MAN1C1: variants seen among roughly 807,000 people sequenced by gnomAD.
MAN1C1 encodes mannosidase alpha class 1C member 1.
A neutral mutation model predicts 71.5 loss-of-function variants in MAN1C1; 49 were observed. That is an observed-to-expected ratio of 0.69 (90% CI 0.54 to 0.87). The LOEUF (loss-of-function observed/expected upper bound fraction) is 0.87, where lower values mean the gene tolerates loss of function less well. Among genes scored for constraint, MAN1C1 ranks in the 40% least tolerant of loss-of-function variants. MAN1C1 has a pLI of 0.00. For missense variants in MAN1C1, 743 were observed against 835.0 expected (o/e 0.89, Z 1.36); for synonymous variants, 352 against 343.7 (o/e 1.02, Z -0.27).
At chr1:25,686,984 C>T (rs942346890) in intron 2 of MAN1C1, among the ~76,000 whole-genome samples, 8 of 152,018 alleles carry the variant, frequency 5.3e-5, no homozygotes, top group Non-Finnish European at 1.2e-4. Flanking sequence ...TATTTAGAGT[C>T]GGGGCTGGGG....
chr1:25,686,475 T>C lies in MAN1C1; in HGVS notation c.576T>C (p.Tyr192=), dbSNP rs2046232683. 2.5e-6 allele frequency: 4 copies of C among 1,614,098 alleles called. No individual in the cohort carries two copies. Among genetic ancestry groups the C allele is most frequent in the African/African-American group, 1.3e-5 (1 of 74,926 alleles). Residue 192 remains tyrosine (Y), a synonymous_variant, in exon 2 of 12, where the codon TAT becomes TAC. Coordinates refer to ENST00000374332, the MANE Select transcript of MAN1C1 (RefSeq NM_020379.4). ...TTGCTTGGCAGAGCTATAAGCGTTA[T>C]GCAATGGGGAAAAACGAACTCCGTC... ...MQFAWQSYKR[Y]AMGKNELRPL...
At chr1:25,623,406 A>G (rs1399837810) in intron 1 of MAN1C1, among the ~76,000 whole-genome samples, 3 of 151,820 alleles carry the variant, frequency 2.0e-5, no homozygotes, top group Admixed American at 2.0e-4. Context: ...AAATAGAAGG[A>G]TGATTTTTAA....
chr1:25,621,473 G>A (rs2045207438), intron 1 of MAN1C1, among the ~76,000 whole-genome samples: 1 of 152,066 alleles, frequency 6.6e-6, no homozygotes, highest in African/African-American at 2.4e-5. Flanking sequence ...ATTCATAGGC[G>A]GGTTTCTTAT....
At chr1:25,628,021 T>C (rs1348851926) in intron 1 of MAN1C1, among the ~76,000 whole-genome samples, 1 of 152,154 alleles carries the variant, frequency 6.6e-6, no homozygotes, top group Admixed American at 6.5e-5. Flanking sequence ...TACTCCAGCC[T>C]GGGTGACAGA....
chr1:25,636,447 A>G (rs2045461897), intron 1 of MAN1C1, among the ~76,000 whole-genome samples: 1 of 152,202 alleles, frequency 6.6e-6, no homozygotes, highest in Admixed American at 6.5e-5. Flanking sequence ...CCTTGCTAGG[A>G]AAAGAATTTA....
intron 2 of MAN1C1, among the ~76,000 whole-genome samples, chr1:25,710,363 T>C (rs1411770884): frequency 6.6e-6 from 1 of 152,188 alleles, no homozygotes; most frequent in Non-Finnish European, 1.5e-5. Context: ...ATTCAGTAAA[T>C]GTTCACTGTG....
chr1:25,664,324 G>A (rs1265183205), intron 1 of MAN1C1, among the ~76,000 whole-genome samples: 1 of 151,340 alleles, frequency 6.6e-6, no homozygotes, highest in Non-Finnish European at 1.5e-5. Context: ...CTGATTTTTA[G>A]ACACCACAAT....
chr1:25,651,955 G>A (rs780181638), intron 1 of MAN1C1, among the ~76,000 whole-genome samples: 2 of 152,172 alleles, frequency 1.3e-5, no homozygotes, highest in African/African-American at 2.4e-5. Flanking sequence ...CCTGCTGCCT[G>A]CCTGCCTGCC....
chr1:25,707,966 T>C (rs1390922319), intron 2 of MAN1C1, among the ~76,000 whole-genome samples: 1 of 152,168 alleles, frequency 6.6e-6, no homozygotes, highest in Non-Finnish European at 1.5e-5. Context: ...ATGAACTGGC[T>C]GTAGGAGAGC....
intron 1 of MAN1C1, among the ~76,000 whole-genome samples, chr1:25,625,703 C>T (rs148112515): frequency 6.6e-6 from 1 of 152,010 alleles, no homozygotes; most frequent in Non-Finnish European, 1.5e-5. Context: ...CACCTGTGTT[C>T]CCAGCTACTC....
At chr1:25,635,994 C>T (rs1394660986) in intron 1 of MAN1C1, among the ~76,000 whole-genome samples, 7 of 152,072 alleles carry the variant, frequency 4.6e-5, no homozygotes, top group African/African-American at 7.2e-5. Flanking sequence ...TCGGTAGGAC[C>T]GTGATGCCCA....
chr1:25,671,466 C>A (rs1237058131), intron 1 of MAN1C1, among the ~76,000 whole-genome samples: 1 of 152,094 alleles, frequency 6.6e-6, no homozygotes, highest in Non-Finnish European at 1.5e-5. Context: ...CATTCAAGGG[C>A]AAAGGAGACA....
At chr1:25,688,493 C>T (rs1359443695) in intron 2 of MAN1C1, among the ~76,000 whole-genome samples, 1 of 152,210 alleles carries the variant, frequency 6.6e-6, no homozygotes, top group Non-Finnish European at 1.5e-5. Context: ...AGCATGGGCG[C>T]AGCTATTGCT....
chr1:25,759,585 G>C (rs777682302), intron 6 of MAN1C1: 1 of 152,154 alleles, frequency 6.6e-6, no homozygotes, highest in Non-Finnish European at 1.5e-5. Flanking sequence ...CAGGCAACTG[G>C]GAGATGATAG....
chr1:25,714,586 T>TA (rs11297296), intron 2 of MAN1C1, among the ~76,000 whole-genome samples: 75 of 151,318 alleles, frequency 5.0e-4, no homozygotes, highest in Non-Finnish European at 8.4e-4. Context: ...AGAAAGCAGA[T>TA]AAAAAAAAAT....
intron 2 of MAN1C1, among the ~76,000 whole-genome samples, chr1:25,713,129 C>T (rs1399204616): frequency 6.6e-6 from 1 of 152,068 alleles, no homozygotes; most frequent in Non-Finnish European, 1.5e-5. Context: ...GATGGGGAAA[C>T]TGAGGTCATT....
chr1:25,686,322 A>G (rs2046230072), intron 1 of MAN1C1, 118 bp from the exon 2 acceptor site: 1 of 817,960 alleles, frequency 1.2e-6, no homozygotes, highest in African/African-American at 1.7e-5. Context: ...CAATTTGGAA[A>G]ATTTGGAAGG....
intron 6 of MAN1C1, among the ~76,000 whole-genome samples, chr1:25,763,198 G>A (rs1260531703): frequency 6.6e-6 from 1 of 152,156 alleles, no homozygotes. Flanking sequence ...AACCCGGGAG[G>A]TGGAGGTTGC....
chr1:25,620,714 GTTC>G (rs747707961), intron 1 of MAN1C1, among the ~76,000 whole-genome samples: 2 of 152,194 alleles, frequency 1.3e-5, no homozygotes, highest in Non-Finnish European at 2.9e-5. Flanking sequence ...AAAAGGCCCT[GTTC>G]TTATAAGATT....
Sources: allele counts gnomAD v4.1 joint callset (sites outside exome capture counted in the v4.1 genomes callset), GRCh38; gene constraint gnomAD v4.1.1; transcripts MANE v1.5; gene names NCBI Gene and HGNC (gene_info 2026-07-23, HGNC 2026-07-21).